CPXM2: variants seen among roughly 807,000 people sequenced by gnomAD.
CPXM2 encodes carboxypeptidase X, M14 family member 2.
CPXM2 carries 66 observed loss-of-function variants against 86.1 expected under a neutral mutation model. That is an observed-to-expected ratio of 0.77 (90% confidence interval 0.63 to 0.94). CPXM2 has a LOEUF of 0.94. Among genes scored for constraint, CPXM2 ranks in the 40% least tolerant of loss-of-function variants. The pLI is 0.00. For missense variants in CPXM2, 948 were observed against 1,026.3 expected (o/e 0.92, Z 1.04); for synonymous variants, 388 against 400.2 (o/e 0.97, Z 0.36).
At chr10:123,851,664 G>C (rs1203032411) in intron 3 of CPXM2, among the ~76,000 whole-genome samples, 1 of 151,964 alleles carries the variant, frequency 6.6e-6, no homozygotes, top group East Asian at 1.9e-4. Flanking sequence ...AGCTCCTCGG[G>C]AGGCTGAGGC....
chr10:123,903,948 C>G (rs1012927777), intron 2 of CPXM2, among the ~76,000 whole-genome samples: 4 of 152,200 alleles, frequency 2.6e-5, no homozygotes, highest in Admixed American at 6.5e-5. Flanking sequence ...CCCCTCCTGC[C>G]AGCCCCCACA....
Position 123,907,685 on chromosome 10 carries a change from GC to G in CPXM2, n.175-27377del, listed in dbSNP as rs887938945. Among the ~76,000 whole-genome samples the G allele has an allele frequency of 4.7e-5, 6 of 128,306 alleles. No individual in the cohort carries two copies. The Middle Eastern group carries it at 0.012, about 265-fold the overall frequency. 84.2% of individuals were successfully genotyped at this position (128,306 alleles called of 152,430 possible). A position where few individuals can be genotyped will look rare whatever the true frequency, so the allele number is the denominator to read the frequency against. On this transcript the variant is annotated intron_variant and non_coding_transcript_variant, in intron 2 of 19. Transcript: ENST00000368854. ...TCATTCCCATTACAGAAACATAGAT[GC>G]CCCCCCTCCCACAAGTTCATTCATG...
intron 1 of CPXM2, among the ~76,000 whole-genome samples, chr10:123,882,788 C>G (rs182441982): frequency 2.5e-4 from 38 of 149,342 alleles, no homozygotes; most frequent in African/African-American, 7.9e-4. Flanking sequence ...GCAACCCCCC[C>G]CCACCATAAC....
intron 2 of CPXM2, among the ~76,000 whole-genome samples, chr10:123,906,436 C>T (rs1250838438): frequency 6.6e-6 from 1 of 152,194 alleles, no homozygotes; most frequent in Non-Finnish European, 1.5e-5. Flanking sequence ...TTCCAGACAG[C>T]TACGGGATCT....
At chr10:123,845,044 G>T (rs1848469749) in intron 3 of CPXM2, among the ~76,000 whole-genome samples, 1 of 149,616 alleles carries the variant, frequency 6.7e-6, no homozygotes, top group Non-Finnish European at 1.5e-5. Flanking sequence ...TCTAGCCTGG[G>T]TGACAGAGCA....
chr10:123,872,922 A>G (rs78884306), intron 2 of CPXM2, among the ~76,000 whole-genome samples: 6,136 of 151,830 alleles, frequency 0.04, 167 homozygotes, highest in East Asian at 0.11. Flanking sequence ...CTTGCCATAA[A>G]AAAAGAAAAA....
chr10:123,893,124 G>A (rs75751987), upstream of CPXM2, among the ~76,000 whole-genome samples: 3,740 of 152,274 alleles, frequency 0.025, 97 homozygotes, highest in South Asian at 0.079. Flanking sequence ...TTTTTGCCAG[G>A]TTCCGTAACT....
chr10:123,855,721 G>A (rs866120709), intron 3 of CPXM2, among the ~76,000 whole-genome samples: 11 of 152,296 alleles, frequency 7.2e-5, no homozygotes, highest in Middle Eastern at 3.4e-3. Flanking sequence ...GGCAGCAGCC[G>A]CCTCCAAATA....
intron 4 of CPXM2, 126 bp from the exon 5 acceptor site, chr10:123,799,325 G>T: frequency 2.0e-6 from 2 of 1,023,154 alleles, no homozygotes; most frequent in Non-Finnish European, 2.9e-6. Flanking sequence ...CTGGCTCCAG[G>T]ACATTTACAG....
chr10:123,906,522 G>A (rs1185437787), intron 2 of CPXM2, among the ~76,000 whole-genome samples: 1 of 152,164 alleles, frequency 6.6e-6, no homozygotes, highest in East Asian at 1.9e-4. Context: ...CTGCCTCTGA[G>A]GTTCTGAGCA....
chr10:123,927,342 G>A (rs1240345341), intron 2 of CPXM2, among the ~76,000 whole-genome samples: 1 of 152,216 alleles, frequency 6.6e-6, no homozygotes, highest in Non-Finnish European at 1.5e-5. Context: ...CATGATAATA[G>A]TACCTGCCTC....
intron 4 of CPXM2, among the ~76,000 whole-genome samples, chr10:123,822,834 T>C (rs979853439): frequency 1.3e-5 from 2 of 152,146 alleles, no homozygotes; most frequent in Non-Finnish European, 2.9e-5. Context: ...ACCTCTACTC[T>C]GTAGCACTGA....
chr10:123,813,274 C>T (rs1323661587), intron 4 of CPXM2, among the ~76,000 whole-genome samples: 1 of 152,230 alleles, frequency 6.6e-6, no homozygotes, highest in Non-Finnish European at 1.5e-5. Flanking sequence ...TGCTTCCATA[C>T]ACATGATCTT....
chr10:123,853,683 C>T (rs571851053), intron 3 of CPXM2, among the ~76,000 whole-genome samples: 74 of 152,240 alleles, frequency 4.9e-4, no homozygotes, highest in African/African-American at 1.7e-3. Context: ...GGCGGGCAGA[C>T]CACTTGAGGT....
intron 10 of CPXM2, among the ~76,000 whole-genome samples, chr10:123,763,196 C>T (rs1297713183): frequency 3.3e-5 from 5 of 152,198 alleles, no homozygotes; most frequent in Admixed American, 6.5e-5. Context: ...CACACCACCA[C>T]GCCTGGCTAA....
rs144162980 is a variant in CPXM2, at chr10:123,825,181, C to T, written c.653+17168G>A. Among the ~76,000 whole-genome samples, 1,374 of 152,276 alleles carry T rather than the reference C, an allele frequency of 9.0e-3. 23 individuals are homozygous for T. Among genetic ancestry groups the T allele is most frequent in the African/African-American group, 0.031 (1,294 of 41,560 alleles). ...GTGGCTAGATTACATGTAGGCCTCA[C>T]ACCATGTGCTCTATCCACACATACA... On this transcript the variant is annotated intron_variant, in intron 4 of 13. Transcript: ENST00000241305.
At position 123,798,265 on chromosome 10, in the gene CPXM2, A is replaced by G. The variant is rs1200083994; in HGVS notation, c.739-139T>C. On this transcript the variant is annotated intron_variant, in intron 5 of 13. Transcript: ENST00000241305. ...TGTGCATTGAAAAGAAAAAAAAAAAAAAAAGAAATGAATCAGGCCTGGATC... is the reference window on the plus strand; with the variant it reads ...TGTGCATTGAAAAGAAAAAAAAAAAGAAAAGAAATGAATCAGGCCTGGATC... 6.6e-6 allele frequency: 5 copies of G among 758,854 alleles called. No individual in the cohort carries two copies. In the Admixed American group the frequency reaches 1.5e-4, roughly 22 times the overall value. The allele number at this position is 758,854 out of a possible 1,614,324, so 47.0% of individuals were successfully genotyped here.
At chr10:123,812,715 T>C (rs1033455101) in intron 4 of CPXM2, among the ~76,000 whole-genome samples, 1 of 152,180 alleles carries the variant, frequency 6.6e-6, no homozygotes, top group East Asian at 1.9e-4. Context: ...CACAGGAGCA[T>C]GAACCCTATT....
In CPXM2 at chr10:123,780,152, T is replaced by G; in HGVS notation, c.978+15A>C. Reference sequence around the variant, plus strand: ...GACAAATTCCTGGCATGAGGCTTTGTGATCTGGGTCTTACCTGGCGCATTT... The same window carrying G: ...GACAAATTCCTGGCATGAGGCTTTGGGATCTGGGTCTTACCTGGCGCATTT... On this transcript the variant is annotated intron_variant, in intron 7 of 13. Coordinates refer to ENST00000241305, the MANE Select transcript of CPXM2 (RefSeq NM_198148.3). 2 of 1,536,698 alleles carry G rather than the reference T, an allele frequency of 1.3e-6. No homozygotes were observed. Among genetic ancestry groups the G allele is most frequent in the South Asian group, 1.1e-5 (1 of 89,466 alleles).
Sources: gnomAD v4.1 joint callset for allele counts (sites outside exome capture counted in the v4.1 genomes callset) on GRCh38, gnomAD v4.1.1 for gene constraint, MANE v1.5 for transcripts, NCBI Gene and HGNC (gene_info 2026-07-23, HGNC 2026-07-21) for gene names.